Variants in CSMD1 observed in about 807,000 individuals in gnomAD.
CSMD1 encodes CUB and Sushi multiple domains 1, also known as CUB and sushi domain-containing protein 1.
Under a neutral mutation model 417.5 loss-of-function variants are expected in CSMD1, and 213 were observed. The observed-to-expected ratio is 0.51, with a 90% CI of 0.46 to 0.57. The LOEUF (loss-of-function observed/expected upper bound fraction) is 0.57. CSMD1 is among the 20% of genes least tolerant of loss of function. CSMD1 has a pLI of 0.00. For missense variants in CSMD1, 6,923 were observed against 4,529.7 expected, an observed-to-expected ratio of 1.53 and a Z score of -15.17; for synonymous variants, 2,862 against 1,736.8, an observed-to-expected ratio of 1.65 and a Z score of -16.11.
In CSMD1 at chr8:3,724,703, T is replaced by A. The variant is rs112382187; in HGVS notation, c.932-16212A>T. 4.9e-4 allele frequency among the ~76,000 whole-genome samples: 75 copies of A among 152,300 alleles called. 1 individual carries two copies. In the South Asian group the frequency reaches 6.4e-3, roughly 13 times the overall value. On this transcript the variant is annotated intron_variant, in intron 6 of 69. Transcript: ENST00000635120. ...CCATGAAATTAAATAGGAAAAGAAA[T>A]GCATTTTTATTTACACTGCCTTCTA...
At chr8:3,265,707 T>A (rs1055396921) in intron 26 of CSMD1, among the ~76,000 whole-genome samples, 1 of 152,170 alleles carries the variant, frequency 6.6e-6, no homozygotes, top group Non-Finnish European at 1.5e-5. Flanking sequence ...CTGAAGAGGT[T>A]TTTTTCTCAA....
At chr8:3,579,181 A>C in intron 9 of CSMD1, among the ~76,000 whole-genome samples, 1 of 152,216 alleles carries the variant, frequency 6.6e-6, no homozygotes, top group East Asian at 1.9e-4. Context: ...ACAGAATGAT[A>C]AATTGAAAAT....
intron 26 of CSMD1, among the ~76,000 whole-genome samples, chr8:3,234,401 A>T (rs1799028379): frequency 1.3e-5 from 2 of 152,308 alleles, no homozygotes; most frequent in African/African-American, 4.8e-5. Context: ...GATTTCTGAG[A>T]CATCATTCTT....
intron 1 of CSMD1, among the ~76,000 whole-genome samples, chr8:4,936,879 C>G (rs79008097): frequency 1.2e-3 from 178 of 152,214 alleles, no homozygotes; most frequent in African/African-American, 4.2e-3. Context: ...GTTTTTTGTT[C>G]AAATTATTAT....
chr8:4,291,988 G>C (rs1441793343), intron 3 of CSMD1, among the ~76,000 whole-genome samples: 1 of 152,128 alleles, frequency 6.6e-6, no homozygotes, highest in Non-Finnish European at 1.5e-5. Context: ...CAGAGTTTGA[G>C]ACGCCAGAGT....
At chr8:4,113,582 T>C (rs1801974354) in intron 3 of CSMD1, among the ~76,000 whole-genome samples, 1 of 152,012 alleles carries the variant, frequency 6.6e-6, no homozygotes, top group Non-Finnish European at 1.5e-5. Flanking sequence ...TTTTCTGTTA[T>C]TTTAGTAGAG....
intron 3 of CSMD1, among the ~76,000 whole-genome samples, chr8:4,198,863 G>T (rs541917716): frequency 6.6e-6 from 1 of 151,936 alleles, no homozygotes; most frequent in Non-Finnish European, 1.5e-5. Flanking sequence ...ACAATATCAC[G>T]TATTTCCCCT....
intron 3 of CSMD1, among the ~76,000 whole-genome samples, chr8:4,131,851 C>G (rs1803127260): frequency 7.0e-6 from 1 of 143,128 alleles, no homozygotes; most frequent in Non-Finnish European, 1.5e-5. Flanking sequence ...CAAGCTCCAT[C>G]TCCCAGGTTC....
At chr8:4,496,013 A>T (rs1801960015) in intron 2 of CSMD1, among the ~76,000 whole-genome samples, 1 of 152,122 alleles carries the variant, frequency 6.6e-6, no homozygotes, top group Non-Finnish European at 1.5e-5. Context: ...TGTAATTCCT[A>T]CAGAGATACT....
chr8:4,940,432 G>T (rs1275565744), intron 1 of CSMD1, among the ~76,000 whole-genome samples: 1 of 152,152 alleles, frequency 6.6e-6, no homozygotes, highest in Non-Finnish European at 1.5e-5. Flanking sequence ...TATGTACTTT[G>T]ATTCTCTTTA....
chr8:3,061,925 G>T (rs571541185), intron 49 of CSMD1, among the ~76,000 whole-genome samples: 3 of 152,196 alleles, frequency 2.0e-5, no homozygotes, highest in African/African-American at 7.2e-5. Context: ...GCTCTGTGAG[G>T]GGTCAGATAT....
At chr8:3,907,237 G>GA (rs1273271705) in intron 5 of CSMD1, among the ~76,000 whole-genome samples, 1 of 152,116 alleles carries the variant, frequency 6.6e-6, no homozygotes, top group Non-Finnish European at 1.5e-5. Flanking sequence ...TGGAAAAGTG[G>GA]AAAAATATAT....
intron 5 of CSMD1, among the ~76,000 whole-genome samples, chr8:3,771,760 A>T (rs958847023): frequency 4.9e-4 from 74 of 152,174 alleles, no homozygotes; most frequent in African/African-American, 1.4e-3. Context: ...TTCAAATGAC[A>T]GCATCATGCT....
intron 5 of CSMD1, among the ~76,000 whole-genome samples, chr8:3,950,421 G>C (rs2740865): frequency 2.0e-5 from 3 of 152,026 alleles, no homozygotes; most frequent in African/African-American, 7.2e-5. Flanking sequence ...GTAAGTAGCA[G>C]AAGAGAGGTT....
chr8:3,208,256 T>A (rs535165593), intron 30 of CSMD1, among the ~76,000 whole-genome samples: 15 of 152,304 alleles, frequency 9.8e-5, no homozygotes, highest in African/African-American at 2.6e-4. Flanking sequence ...TCCCAAATTA[T>A]TAGCGATGGT....
intron 3 of CSMD1, among the ~76,000 whole-genome samples, chr8:4,150,495 A>G (rs74478021): frequency 6.6e-6 from 1 of 152,258 alleles, no homozygotes; most frequent in East Asian, 1.9e-4. Context: ...CACAACAGAG[A>G]TATCTTCTAG....
chr8:3,001,860 T>G (rs1240245462), intron 52 of CSMD1, among the ~76,000 whole-genome samples: 1 of 152,190 alleles, frequency 6.6e-6, no homozygotes, highest in African/African-American at 2.4e-5. Context: ...TACAAAATTG[T>G]TGTCATACTC....
chr8:4,566,199 T>C (rs1397422634), intron 2 of CSMD1, among the ~76,000 whole-genome samples: 1 of 152,168 alleles, frequency 6.6e-6, no homozygotes, highest in Non-Finnish European at 1.5e-5. Context: ...CAATAGACCA[T>C]GCTAGTCAAA....
intron 5 of CSMD1, among the ~76,000 whole-genome samples, chr8:3,991,945 A>C (rs1236568103): frequency 6.6e-6 from 1 of 152,102 alleles, no homozygotes; most frequent in Non-Finnish European, 1.5e-5. Context: ...GTTATATAAC[A>C]AACACTCGGT....
Sources: allele counts gnomAD v4.1 joint callset (sites outside exome capture counted in the v4.1 genomes callset), GRCh38; gene constraint gnomAD v4.1.1; transcripts MANE v1.5; gene names NCBI Gene and HGNC (gene_info 2026-07-23, HGNC 2026-07-21).